CCDC117: variants seen among roughly 807,000 people sequenced by gnomAD.
CCDC117 encodes the protein coiled-coil domain-containing protein 117.
In CCDC117, 1 loss-of-function variant was observed where a neutral mutation model predicts 23.5. The observed-to-expected ratio is 0.04, with a 90% CI of 0.02 to 0.20. CCDC117 has a LOEUF of 0.20. Among genes scored for constraint, CCDC117 ranks in the 10% least tolerant of loss-of-function variants. The pLI is 1.00. For synonymous variants in CCDC117, 132 were observed against 124.8 expected (o/e 1.06, Z -0.39); for missense variants, 383 against 348.2 (o/e 1.10, Z -0.80).
intron 2 of CCDC117, among the ~76,000 whole-genome samples, chr22:28,775,665 G>A (rs1168216631): frequency 1.3e-5 from 2 of 152,134 alleles, no homozygotes; most frequent in African/African-American, 4.8e-5. Context: ...TTGGGAAGCC[G>A]AGGCAGGTGG....
rs1314848744 is a variant in CCDC117, at chr22:28,772,923, CGGCCTTCCCCGGCCG to C, written c.84_98del (p.Gly29_Pro33del). On this transcript the variant is annotated inframe_deletion, in exon 1 of 5. Transcript: ENST00000249064. ...TCGGACTTCCTGCAGCCGCCGCAGC[CGGCCTTCCCCGGCCG>C]GGCCTTCCCGCCGGGGGCTGACGGC... 67 of 1,224,262 alleles carry C rather than the reference CGGCCTTCCCCGGCCG, an allele frequency of 5.5e-5. No homozygotes were observed. The highest frequency in any genetic ancestry group is 6.3e-5 in the Non-Finnish European group (62 of 982,772). The allele number at this position is 1,224,262 out of a possible 1,614,324, so 75.8% of individuals were successfully genotyped here.
At chr22:28,785,988 C>A in intron 4 of CCDC117, 101 bp from the exon 5 acceptor site, 1 of 748,764 alleles carries the variant, frequency 1.3e-6, no homozygotes, top group Non-Finnish European at 2.2e-6. Flanking sequence ...GTTTTGCTAT[C>A]ATCAGTCCTT....
chr22:28,785,501 A>G (rs1226321302), intron 4 of CCDC117, among the ~76,000 whole-genome samples: 1 of 152,130 alleles, frequency 6.6e-6, no homozygotes, highest in Non-Finnish European at 1.5e-5. Context: ...AAAGCATTAT[A>G]CTTTGTACCT....
At chr22:28,780,278 G>A (rs571280517) in intron 2 of CCDC117, among the ~76,000 whole-genome samples, 8 of 152,268 alleles carry the variant, frequency 5.3e-5, no homozygotes, top group Non-Finnish European at 1.0e-4. Flanking sequence ...CACTGATAGA[G>A]CCTCTGACAT....
intron 3 of CCDC117, among the ~76,000 whole-genome samples, chr22:28,781,946 C>A (rs1274617539): frequency 6.6e-6 from 1 of 150,780 alleles, no homozygotes; most frequent in East Asian, 1.9e-4. Flanking sequence ...CCCAGCCCCC[C>A]CCCTTTTTTT....
Position 28,786,492 on chromosome 22 carries a change from CTT to C in CCDC117, c.*167_*168del. ...CTTATTTTGGGTAGCCATTTATTGA[CTT>C]CACCTTTTTGCCAAGGACGTTTGTC... On this transcript the variant is annotated 3_prime_UTR_variant, in exon 5 of 5. Transcript: ENST00000249064. 1 of 571,322 alleles carries C rather than the reference CTT, an allele frequency of 1.8e-6. No individual in the cohort carries two copies. 35.4% of individuals were successfully genotyped at this position (571,322 alleles called of 1,614,324 possible).
chr22:28,777,853 A>ATT (rs201396413), intron 2 of CCDC117, among the ~76,000 whole-genome samples: 18 of 141,854 alleles, frequency 1.3e-4, no homozygotes, highest in African/African-American at 1.8e-4. Flanking sequence ...TCTTATAGGA[A>ATT]TTTTTTTTTT....
chr22:28,774,104 G>A (rs1355424978), intron 2 of CCDC117, among the ~76,000 whole-genome samples: 1 of 141,816 alleles, frequency 7.1e-6, no homozygotes, highest in Non-Finnish European at 1.5e-5. Context: ...GTCTGCCTCT[G>A]TCGCCCAGGC....
intron 1 of CCDC117, 30 bp from the exon 2 acceptor site, chr22:28,773,695 T>C (rs767413543): frequency 6.3e-7 from 1 of 1,589,188 alleles, no homozygotes. Context: ...GTACATTTCT[T>C]AATTGACTGA....
At chr22:28,773,447 A>C in intron 1 of CCDC117, 1 of 472,742 alleles carries the variant, frequency 2.1e-6, no homozygotes. Context: ...TAAAGTGCTT[A>C]ACACAGCGCC....
chr22:28,785,981 T>C (rs150710057), intron 4 of CCDC117, 108 bp from the exon 5 acceptor site: 2 of 734,742 alleles, frequency 2.7e-6, no homozygotes, highest in Admixed American at 2.5e-5. Context: ...ATCTCCTGTT[T>C]TGCTATCATC....
At chr22:28,781,223 T>G in intron 3 of CCDC117, 51 bp downstream of exon 3, 1 of 1,042,834 alleles carries the variant, frequency 9.6e-7, no homozygotes. Context: ...TTGTAATAAC[T>G]CTGCTCATAT....
intron 2 of CCDC117, among the ~76,000 whole-genome samples, chr22:28,780,419 G>A (rs2031284515): frequency 6.6e-6 from 1 of 152,202 alleles, no homozygotes; most frequent in Non-Finnish European, 1.5e-5. Context: ...CTATATGTTT[G>A]ATGGAGCAGT....
chr22:28,779,965 G>A lies in CCDC117; in HGVS notation c.240-983G>A, dbSNP rs138341896. Among the ~76,000 whole-genome samples the A allele has an allele frequency of 2.2e-4, 33 of 152,318 alleles. No individual in the cohort carries two copies. In the East Asian group the frequency reaches 6.4e-3, roughly 29 times the overall value. Reference sequence around the variant, plus strand: ...AGCTAAACACTGGGTATATCGTAGTGCTTGCAAATACTACTTGGTGGTAAG... The same window carrying A: ...AGCTAAACACTGGGTATATCGTAGTACTTGCAAATACTACTTGGTGGTAAG... On this transcript the variant is annotated intron_variant, in intron 2 of 4. Coordinates refer to ENST00000249064, the MANE Select transcript of CCDC117 (RefSeq NM_173510.4).
chr22:28,772,794 G>C lies in CCDC117; in HGVS notation c.-56G>C, dbSNP rs1378530612. The C allele has an allele frequency of 1.7e-6, 2 of 1,209,806 alleles. No individual in the cohort carries two copies. Among genetic ancestry groups the C allele is most frequent in the African/African-American group, 1.6e-5 (1 of 63,428 alleles). The allele number at this position is 1,209,806 out of a possible 1,614,324, so 74.9% of individuals were successfully genotyped here. A position where few individuals can be genotyped will look rare whatever the true frequency, so the allele number is the denominator to read the frequency against. On this transcript the variant is annotated 5_prime_UTR_variant, in exon 1 of 5. Coordinates refer to ENST00000249064, the MANE Select transcript of CCDC117 (RefSeq NM_173510.4). The stretch of plus-strand genomic sequence containing the variant: ...GCAGTAGCTGTGGCTGCGGCTGCCG[G>C]GCCTGGGGACGCGGGCGGCCGAGGC...
intron 2 of CCDC117, among the ~76,000 whole-genome samples, chr22:28,779,728 G>T (rs1291893683): frequency 1.3e-5 from 2 of 152,134 alleles, no homozygotes; most frequent in Non-Finnish European, 2.9e-5. Context: ...ACATGGAATA[G>T]AAATTTCTTT....
intron 4 of CCDC117, among the ~76,000 whole-genome samples, chr22:28,785,530 G>A (rs1441820530): frequency 6.6e-6 from 1 of 152,114 alleles, no homozygotes; most frequent in Non-Finnish European, 1.5e-5. Flanking sequence ...AGGCATCTGA[G>A]ATACTTTCAG....
In CCDC117 at chr22:28,782,313, A is replaced by G. The variant is rs550415460; in HGVS notation, c.464+1141A>G. On this transcript the variant is annotated intron_variant, in intron 3 of 4. Coordinates refer to ENST00000249064, the MANE Select transcript of CCDC117 (RefSeq NM_173510.4). ...GCTCTGTCACCCAGGCTGGAGTACA[A>G]TGGTGTGAACTCGGCGCTCACTGCA... 5.0e-5 allele frequency among the ~76,000 whole-genome samples: 7 copies of G among 141,394 alleles called. No individual in the cohort carries two copies. In the South Asian group the frequency reaches 1.3e-3, roughly 27 times the overall value. The allele number at this position is 141,394 out of a possible 152,430, so 92.8% of individuals were successfully genotyped here. A position where few individuals can be genotyped will look rare whatever the true frequency, so the allele number is the denominator to read the frequency against.
Position 28,786,290 on chromosome 22 carries a change from G to A in CCDC117, c.804G>A (p.Glu268=), listed in dbSNP as rs148196050. Residue 268 remains glutamate, a synonymous_variant, in exon 5 of 5, where the codon GAG becomes GAA. Transcript: ENST00000249064. ...GGATGTCTCTTTATAATAGTTTGGA[G>A]ACAGCTACTAGCACAGAAGAAGAGA... ...PTGMSLYNSL[E]TATSTEEEME... 4.0e-4 allele frequency: 638 copies of A among 1,614,152 alleles called. 2 individuals carry two copies. The African/African-American group carries it at 6.8e-3, about 17-fold the overall frequency.
Sources: allele counts gnomAD v4.1 joint callset (sites outside exome capture counted in the v4.1 genomes callset), GRCh38; gene constraint gnomAD v4.1.1; transcripts MANE v1.5; gene names NCBI Gene and HGNC (gene_info 2026-07-23, HGNC 2026-07-21).